The following ADCK1 variants were observed in gnomAD, a reference collection of about 807,000 sequenced individuals.
ADCK1 encodes aarF domain containing kinase 1.
Under a neutral mutation model 52.3 loss-of-function variants are expected in ADCK1, and 41 were observed. The ratio of observed to expected loss-of-function variants is 0.78; its 90% confidence interval spans 0.61 to 1.02. The LOEUF is 1.02. Among genes scored for constraint, ADCK1 ranks in the 50% least tolerant of loss-of-function variants. The pLI, the probability that ADCK1 is intolerant of heterozygous loss-of-function variation, is 0.00. For missense variants in ADCK1, 658 were observed against 679.5 expected (o/e 0.97, Z 0.35); for synonymous variants, 250 against 274.6 (o/e 0.91, Z 0.89).
intron 3 of ADCK1, among the ~76,000 whole-genome samples, chr14:77,852,932 A>T (rs1358525851): frequency 6.5e-3 from 65 of 9,936 alleles, no homozygotes; most frequent in African/African-American, 0.02. Context: ...TTTTTTTTTT[A>T]GAGACAGGGT....
chr14:77,836,773 CTTT>C (rs56672313), intron 3 of ADCK1, among the ~76,000 whole-genome samples: 27 of 41,772 alleles, frequency 6.5e-4, no homozygotes, highest in Admixed American at 3.2e-3. Flanking sequence ...TTCTTTCTTT[CTTT>C]TTTTTTTTTT....
chr14:77,927,784 G>T (rs1421526265), intron 9 of ADCK1, among the ~76,000 whole-genome samples: 4 of 152,214 alleles, frequency 2.6e-5, no homozygotes, highest in Non-Finnish European at 4.4e-5. Context: ...GTTTGGTATG[G>T]CCCAGAGCGT....
At chr14:77,913,563 G>A (rs2083846327) in intron 7 of ADCK1, among the ~76,000 whole-genome samples, 1 of 152,210 alleles carries the variant, frequency 6.6e-6, no homozygotes, top group Non-Finnish European at 1.5e-5. Flanking sequence ...CCTCTTTCCC[G>A]GGCTGGGTGG....
intron 3 of ADCK1, among the ~76,000 whole-genome samples, chr14:77,852,665 A>ATATATATATATATATATATATATATATAT (rs2082314611): frequency 1.1e-5 from 1 of 88,876 alleles, no homozygotes; most frequent in East Asian, 3.2e-4. Flanking sequence ...AAATAAATAT[A>ATATATATATATATATATATATATATATAT]TATATATATA....
intron 3 of ADCK1, among the ~76,000 whole-genome samples, chr14:77,839,861 G>A (rs2082030186): frequency 6.9e-6 from 1 of 144,882 alleles, no homozygotes; most frequent in Admixed American, 7.0e-5. Context: ...CGAGGCTGCA[G>A]CAAGCTGAGA....
At chr14:77,891,479 C>T (rs1006287420) in intron 5 of ADCK1, among the ~76,000 whole-genome samples, 9 of 152,044 alleles carry the variant, frequency 5.9e-5, no homozygotes, top group Admixed American at 1.3e-4. Flanking sequence ...TTTTTCTTTG[C>T]GTTTTCTTGC....
chr14:77,914,657 A>G (rs2083876084), intron 7 of ADCK1: 1 of 895,532 alleles, frequency 1.1e-6, no homozygotes, highest in African/African-American at 1.8e-5. Context: ...CCCTTGGGTA[A>G]GCAACATCCT....
chr14:77,887,237 T>C lies in ADCK1; in HGVS notation c.570T>C (p.Ile190=), dbSNP rs1443458416. 5 of 1,582,090 alleles carry C rather than the reference T, an allele frequency of 3.2e-6. No homozygotes were observed. The highest frequency in any genetic ancestry group is 3.6e-5 in the Admixed American group (2 of 55,792). ...PKVRAQSSKD[I]LLMEVLVLAV... Reference sequence around the variant, plus strand: ...TGCGGGCTCAGAGCTCGAAGGACATTCTCCTGATGGAGGTGAGAGCCCTCC... The same window carrying C: ...TGCGGGCTCAGAGCTCGAAGGACATCCTCCTGATGGAGGTGAGAGCCCTCC... The change falls in exon 5 of 11, where the codon ATT becomes ATC. Residue 190 remains isoleucine, a synonymous_variant. Coordinates refer to ENST00000238561, the MANE Select transcript of ADCK1 (RefSeq NM_020421.4).
chr14:77,913,303 T>C (rs944320552), intron 7 of ADCK1, among the ~76,000 whole-genome samples: 1 of 152,166 alleles, frequency 6.6e-6, no homozygotes, highest in Non-Finnish European at 1.5e-5. Flanking sequence ...TTGCCAGAAG[T>C]GCCATCTGCG....
intron 7 of ADCK1, 120 bp from the exon 8 acceptor site, chr14:77,924,337 T>C: frequency 7.4e-7 from 1 of 1,343,834 alleles, no homozygotes; most frequent in Non-Finnish European, 1.0e-6. Context: ...CCACAACCGC[T>C]CCGGCCCACC....
At chr14:77,908,214 CA>C in intron 7 of ADCK1, 1 of 224,528 alleles carries the variant, frequency 4.5e-6, no homozygotes, top group Non-Finnish European at 8.9e-6. Context: ...AACAATGATG[CA>C]AAATCAGTGG....
At chr14:77,883,610 A>T in intron 4 of ADCK1, among the ~76,000 whole-genome samples, 1 of 152,030 alleles carries the variant, frequency 6.6e-6, no homozygotes, top group East Asian at 1.9e-4. Context: ...ATGTGTGTGT[A>T]TGTGTGTGTG....
intron 9 of ADCK1, among the ~76,000 whole-genome samples, chr14:77,931,022 T>C (rs756962706): frequency 8.5e-5 from 13 of 152,170 alleles, no homozygotes; most frequent in Non-Finnish European, 1.9e-4. Flanking sequence ...ACAGGTGGGA[T>C]GAGACTGGCT....
chr14:77,884,227 G>T (rs2083098028), intron 4 of ADCK1, among the ~76,000 whole-genome samples: 1 of 152,226 alleles, frequency 6.6e-6, no homozygotes. Flanking sequence ...TCAGTGGGAA[G>T]ATTGGGCCAT....
In ADCK1 at chr14:77,925,755, C is replaced by G; in HGVS notation, c.1009-9C>G. 6.2e-7 allele frequency: 1 copy of G among 1,613,916 alleles called. No homozygotes were observed. The highest frequency in any genetic ancestry group is 8.5e-7 in the Non-Finnish European group (1 of 1,179,804). Reference sequence around the variant, plus strand: ...GGCTTAGGTCCCACCGCTGCCGCCTCCACCCTAGATGCTCACGGAAGAATT... The same window carrying G: ...GGCTTAGGTCCCACCGCTGCCGCCTGCACCCTAGATGCTCACGGAAGAATT... On this transcript the variant is annotated splice_polypyrimidine_tract_variant and intron_variant, in intron 8 of 10. Coordinates refer to ENST00000238561, the MANE Select transcript of ADCK1 (RefSeq NM_020421.4).
At chr14:77,821,435 T>A (rs1011512620) in intron 2 of ADCK1, among the ~76,000 whole-genome samples, 1 of 152,116 alleles carries the variant, frequency 6.6e-6, no homozygotes, top group Admixed American at 6.6e-5. Context: ...TAATATCAAC[T>A]TTGTAAGTCC....
At position 77,906,014 on chromosome 14, in the gene ADCK1, T is replaced by C. The variant is rs902884746; in HGVS notation, c.742-1789T>C. ...ACACCTTGCTTTCTGGTGGAAACTT[T>C]GTTCCAACTAGAGCATTTCACTTGT... On this transcript the variant is annotated intron_variant, in intron 6 of 10. Transcript: ENST00000238561. 3.3e-5 allele frequency among the ~76,000 whole-genome samples: 5 copies of C among 152,232 alleles called. No individual in the cohort carries two copies. The East Asian group carries it at 7.7e-4, about 23-fold the overall frequency.
At chr14:77,841,599 C>T (rs961862366) in intron 3 of ADCK1, among the ~76,000 whole-genome samples, 12 of 137,594 alleles carry the variant, frequency 8.7e-5, no homozygotes, top group Admixed American at 4.6e-4. Context: ...GAGGCTGAGG[C>T]GGGTGTGTCA....
intron 6 of ADCK1, among the ~76,000 whole-genome samples, chr14:77,901,694 C>T (rs953606343): frequency 1.3e-5 from 2 of 152,148 alleles, no homozygotes; most frequent in Non-Finnish European, 2.9e-5. Context: ...CCGGCCGGAG[C>T]TGGTCTTTAA....
Sources: allele counts gnomAD v4.1 joint callset (sites outside exome capture counted in the v4.1 genomes callset), GRCh38; gene constraint gnomAD v4.1.1; transcripts MANE v1.5; gene names NCBI Gene and HGNC (gene_info 2026-07-23, HGNC 2026-07-21).